STK39: variants seen among roughly 807,000 people sequenced by gnomAD.
STK39 encodes the protein serine/threonine kinase 39.
Under a neutral mutation model 77.8 loss-of-function variants are expected in STK39, and 20 were observed. That is an observed-to-expected ratio of 0.26 (90% CI 0.18 to 0.37). The LOEUF (loss-of-function observed/expected upper bound fraction) is 0.37, where lower values mean the gene tolerates loss of function less well. Ranked by LOEUF, STK39 falls within the 10% of genes least tolerant of loss-of-function variation. STK39 has a pLI of 1.00. For synonymous variants in STK39, 246 were observed against 234.1 expected, an observed-to-expected ratio of 1.05 and a Z score of -0.47; for missense variants, 479 against 656.5, an observed-to-expected ratio of 0.73 and a Z score of 2.95.
At chr2:168,141,129 A>AT (rs1032420853) in intron 5 of STK39, among the ~76,000 whole-genome samples, 8 of 152,248 alleles carry the variant, frequency 5.3e-5, no homozygotes, top group African/African-American at 1.7e-4. Context: ...GACAATTTTC[A>AT]TAAGTACAGA....
chr2:168,163,667 G>A (rs1559127965), intron 4 of STK39, 72 bp downstream of exon 4: 1 of 1,608,134 alleles, frequency 6.2e-7, no homozygotes, highest in Non-Finnish European at 8.5e-7. Flanking sequence ...TTTCTGTGTA[G>A]ACAGTCTAAG....
At chr2:168,009,931 TCAA>T (rs948326653) in intron 16 of STK39, among the ~76,000 whole-genome samples, 35 of 152,164 alleles carry the variant, frequency 2.3e-4, no homozygotes, top group Admixed American at 1.6e-3. Context: ...TTTTAAAAAT[TCAA>T]CAACAACAAC....
At chr2:168,234,208 G>A (rs1690537184) in intron 1 of STK39, among the ~76,000 whole-genome samples, 1 of 152,150 alleles carries the variant, frequency 6.6e-6, no homozygotes, top group South Asian at 2.1e-4. Flanking sequence ...ACATTTCCGA[G>A]AAATTACCAT....
chr2:168,208,727 C>A (rs1461459311), intron 1 of STK39, among the ~76,000 whole-genome samples: 2 of 152,308 alleles, frequency 1.3e-5, no homozygotes, highest in East Asian at 1.9e-4. Context: ...CTTGTTCTGG[C>A]CAGTGAAATG....
intron 14 of STK39, among the ~76,000 whole-genome samples, chr2:168,045,038 C>T (rs1396562646): frequency 1.3e-5 from 2 of 151,444 alleles, no homozygotes; most frequent in African/African-American, 4.9e-5. Context: ...AAAGTAAAGG[C>T]ACAAGTCAAA....
At chr2:168,198,407 C>G (rs1012516793) in intron 1 of STK39, among the ~76,000 whole-genome samples, 1 of 152,044 alleles carries the variant, frequency 6.6e-6, no homozygotes, top group African/African-American at 2.4e-5. Context: ...AAGGGATAAC[C>G]CAACTTTGGT....
chr2:168,220,264 C>CCCAA (rs1436300493), intron 1 of STK39, among the ~76,000 whole-genome samples: 1 of 152,012 alleles, frequency 6.6e-6, no homozygotes, highest in Non-Finnish European at 1.5e-5. Context: ...CCCAACAAAG[C>CCCAA]TGAGAACTTC....
At chr2:168,243,144 C>T (rs1402949206) in intron 1 of STK39, among the ~76,000 whole-genome samples, 1 of 152,152 alleles carries the variant, frequency 6.6e-6, no homozygotes, top group African/African-American at 2.4e-5. Context: ...CTTACCCTAG[C>T]GCCAGCGAAG....
intron 14 of STK39, among the ~76,000 whole-genome samples, chr2:168,035,576 T>C (rs1258068978): frequency 1.3e-5 from 2 of 152,070 alleles, no homozygotes; most frequent in African/African-American, 4.8e-5. Context: ...GAGTTAAAAA[T>C]GAAAGAAGAA....
chr2:168,028,612 A>G (rs1274142594), intron 14 of STK39, among the ~76,000 whole-genome samples: 2 of 152,230 alleles, frequency 1.3e-5, no homozygotes, highest in Non-Finnish European at 2.9e-5. Flanking sequence ...TGTAGCAGGA[A>G]AAAATGTTAA....
At chr2:168,192,925 A>G (rs960429646) in intron 1 of STK39, among the ~76,000 whole-genome samples, 1 of 152,066 alleles carries the variant, frequency 6.6e-6, no homozygotes, top group African/African-American at 2.4e-5. Flanking sequence ...CCAGCTTCCT[A>G]TTAACTCCCC....
At position 167,984,179 on chromosome 2, in the gene STK39, A is replaced by G. The variant is rs1054517298; in HGVS notation, c.1499-19453T>C. Among the ~76,000 whole-genome samples the G allele has an allele frequency of 3.3e-5, 5 of 152,250 alleles. No individual in the cohort carries two copies. In the East Asian group the frequency reaches 5.8e-4, roughly 18 times the overall value. ...TATGCCATAAACTAGTGTTCCTATT[A>G]GATGCTGAGGAGATATAAACACAAG... is the stretch of plus-strand genomic sequence containing the variant. On this transcript the variant is annotated intron_variant, in intron 16 of 17. Transcript: ENST00000355999.
chr2:168,235,859 G>A (rs186301704), intron 1 of STK39, among the ~76,000 whole-genome samples: 10 of 152,158 alleles, frequency 6.6e-5, no homozygotes, highest in Admixed American at 6.6e-4. Flanking sequence ...TATCATTGTT[G>A]GACATCTGGG....
chr2:168,167,502 T>C, intron 2 of STK39, 95 bp from the exon 3 acceptor site: 1 of 1,093,440 alleles, frequency 9.1e-7, no homozygotes, highest in South Asian at 1.4e-5. Context: ...GTAACTTTCC[T>C]ACTCGAAAGC....
chr2:168,241,271 G>C (rs1002437966), intron 1 of STK39, among the ~76,000 whole-genome samples: 4 of 152,314 alleles, frequency 2.6e-5, no homozygotes, highest in East Asian at 3.9e-4. Flanking sequence ...CTCTGTCCTC[G>C]CACTGGCTGG....
chr2:168,062,554 G>A (rs1483575980), intron 14 of STK39, among the ~76,000 whole-genome samples: 1 of 152,132 alleles, frequency 6.6e-6, no homozygotes, highest in African/African-American at 2.4e-5. Flanking sequence ...AGAAGTGAGG[G>A]GTGATTATGG....
rs1223268383 is a variant in STK39 at position 168,247,562 on chromosome 2, G to GCCGCCGCCGCCC, written c.-128_-127insGGGCGGCGGCGG. The GCCGCCGCCGCCC allele has an allele frequency of 2.7e-6, 2 of 751,172 alleles. No homozygotes were observed. Among genetic ancestry groups the GCCGCCGCCGCCC allele is most frequent in the Non-Finnish European group, 3.4e-6 (2 of 588,816 alleles). The allele number at this position is 751,172 out of a possible 1,614,324, so 46.5% of individuals were successfully genotyped here. A position where few individuals can be genotyped will look rare whatever the true frequency, so the allele number is the denominator to read the frequency against. On this transcript the variant is annotated 5_prime_UTR_variant, in exon 1 of 18. Coordinates refer to ENST00000355999, the MANE Select transcript of STK39 (RefSeq NM_013233.3). ...CTCCCCGCCCGCCGCCGCCGCCGCC[G>GCCGCCGCCGCCC]TCCCCGCCGAAGCCAGCTAGGAGGG...
intron 14 of STK39, among the ~76,000 whole-genome samples, chr2:168,054,580 C>G (rs1473382686): frequency 6.6e-6 from 1 of 152,192 alleles, no homozygotes; most frequent in Non-Finnish European, 1.5e-5. Context: ...AAATGCCAGA[C>G]ATTTTTTGGA....
intron 5 of STK39, among the ~76,000 whole-genome samples, chr2:168,141,182 A>G: frequency 6.6e-6 from 1 of 152,322 alleles, no homozygotes; most frequent in Middle Eastern, 3.4e-3. Flanking sequence ...CTTAACTTTA[A>G]CTCATTATAT....
Sources: allele counts gnomAD v4.1 joint callset (sites outside exome capture counted in the v4.1 genomes callset), GRCh38; gene constraint gnomAD v4.1.1; transcripts MANE v1.5; gene names NCBI Gene and HGNC (gene_info 2026-07-23, HGNC 2026-07-21).